The following TBC1D9 variants were observed in gnomAD, a reference collection of about 807,000 sequenced individuals.
TBC1D9 encodes TBC1 domain family member 9A.
In TBC1D9, 63 loss-of-function variants were observed where a neutral mutation model predicts 132.0. That is an observed-to-expected ratio of 0.48 (90% CI 0.39 to 0.59). The LOEUF is 0.59. Ranked by LOEUF, TBC1D9 falls within the 20% of genes least tolerant of loss-of-function variation. The pLI, the probability that TBC1D9 is intolerant of heterozygous loss-of-function variation, is 0.00. For missense variants in TBC1D9, 1,261 were observed against 1,592.7 expected (o/e 0.79, Z 3.54); for synonymous variants, 610 against 609.9 (o/e 1.00, Z 0.00).
intron 1 of TBC1D9, among the ~76,000 whole-genome samples, chr4:140,704,262 ACAATGGTGTGCACCT>A (rs1738115791): frequency 6.6e-6 from 1 of 151,980 alleles, no homozygotes; most frequent in Non-Finnish European, 1.5e-5. Flanking sequence ...TTAGCCAGGC[ACAATGGTGTGCACCT>A]GTAATCCCAG....
intron 18 of TBC1D9, among the ~76,000 whole-genome samples, chr4:140,624,780 C>T (rs1736680066): frequency 6.6e-6 from 1 of 152,080 alleles, no homozygotes; most frequent in Non-Finnish European, 1.5e-5. Context: ...GGTCAAGCAG[C>T]GTGGCTCATG....
intron 1 of TBC1D9, among the ~76,000 whole-genome samples, chr4:140,751,985 A>G (rs1738931510): frequency 6.6e-6 from 1 of 152,224 alleles, no homozygotes; most frequent in Admixed American, 6.5e-5. Flanking sequence ...TGGTGGGAGT[A>G]TATTGGTACA....
At position 140,739,980 on chromosome 4, in the gene TBC1D9, T is replaced by C. The variant is rs139053095; in HGVS notation, c.130+15936A>G. Reference sequence around the variant, plus strand: ...TCTGCTTGATCTTCACTCTAGCAAGTATCTGTCCAGCATGCCTTAGAATAA... The same window carrying C: ...TCTGCTTGATCTTCACTCTAGCAAGCATCTGTCCAGCATGCCTTAGAATAA... On this transcript the variant is annotated intron_variant, in intron 1 of 20. Coordinates refer to ENST00000442267, the MANE Select transcript of TBC1D9 (RefSeq NM_015130.3). Among the ~76,000 whole-genome samples, 21 of 152,350 alleles carry C rather than the reference T, an allele frequency of 1.4e-4. No individual in the cohort carries two copies. In the East Asian group the frequency reaches 4.0e-3, roughly 29 times the overall value.
intron 1 of TBC1D9, among the ~76,000 whole-genome samples, chr4:140,724,972 G>A (rs1261704460): frequency 1.3e-5 from 2 of 152,042 alleles, no homozygotes; most frequent in Non-Finnish European, 2.9e-5. Flanking sequence ...CGTGCAACTT[G>A]GTAAAACCCC....
chr4:140,643,801 C>CAGGCGCTGAGTGCCACCGGGCA, intron 13 of TBC1D9: 1 of 808,932 alleles, frequency 1.2e-6, no homozygotes, highest in Non-Finnish European at 2.0e-6. Flanking sequence ...CAGCCCTGCC[C>CAGGCGCTGAGTGCCACCGGGCA]GGTGGCACTC....
At chr4:140,685,199 C>T (rs967996907) in intron 3 of TBC1D9, among the ~76,000 whole-genome samples, 1 of 152,160 alleles carries the variant, frequency 6.6e-6, no homozygotes, top group African/African-American at 2.4e-5. Context: ...AGGAGTGATA[C>T]ATTTGTGTGG....
chr4:140,639,615 T>C (rs1206717860), intron 13 of TBC1D9, among the ~76,000 whole-genome samples, 187 bp from the exon 14 acceptor site: 1 of 152,204 alleles, frequency 6.6e-6, no homozygotes, highest in Non-Finnish European at 1.5e-5. Flanking sequence ...TATCTGGAAA[T>C]TCTCAGGCAG....
chr4:140,684,022 T>C (rs539055144), intron 3 of TBC1D9, among the ~76,000 whole-genome samples: 1 of 152,270 alleles, frequency 6.6e-6, no homozygotes, highest in African/African-American at 2.4e-5. Context: ...AAAAATTATA[T>C]AACAATATTG....
At chr4:140,644,511 G>C (rs1578821649) in intron 13 of TBC1D9, 2 of 289,980 alleles carry the variant, frequency 6.9e-6, no homozygotes, top group South Asian at 5.6e-5. Context: ...GGGGGCTTTC[G>C]CAGCAGCATC....
intron 1 of TBC1D9, among the ~76,000 whole-genome samples, chr4:140,705,756 GA>G (rs1400102456): frequency 6.6e-6 from 1 of 152,068 alleles, no homozygotes; most frequent in Non-Finnish European, 1.5e-5. Context: ...TCATACCTTG[GA>G]AATGGCTGTC....
chr4:140,637,039 C>G (rs567198326), intron 15 of TBC1D9, among the ~76,000 whole-genome samples: 1 of 152,130 alleles, frequency 6.6e-6, no homozygotes, highest in Non-Finnish European at 1.5e-5. Flanking sequence ...GACCAGAGAG[C>G]GCAGCAGTGC....
intron 10 of TBC1D9, among the ~76,000 whole-genome samples, chr4:140,660,325 G>C (rs1415689986): frequency 6.6e-6 from 1 of 152,082 alleles, no homozygotes; most frequent in Non-Finnish European, 1.5e-5. Context: ...TACTTTAATA[G>C]TCTTCTTAAT....
intron 1 of TBC1D9, among the ~76,000 whole-genome samples, chr4:140,738,703 C>T (rs1165710836): frequency 6.6e-6 from 1 of 152,190 alleles, no homozygotes; most frequent in East Asian, 1.9e-4. Context: ...GTTGAACATT[C>T]ATACAAACAA....
At chr4:140,668,110 G>T (rs77709840) in intron 9 of TBC1D9, among the ~76,000 whole-genome samples, 4,899 of 152,314 alleles carry the variant, frequency 0.032, 145 homozygotes, top group South Asian at 0.074. Flanking sequence ...AAGTAAAGTT[G>T]GTGAAACTAA....
chr4:140,708,382 C>T (rs1305051484), intron 1 of TBC1D9, among the ~76,000 whole-genome samples: 1 of 152,150 alleles, frequency 6.6e-6, no homozygotes, highest in Admixed American at 6.5e-5. Flanking sequence ...TAATTTGTTA[C>T]TTTTTAATCA....
chr4:140,635,164 A>AT (rs1269523111), intron 15 of TBC1D9, among the ~76,000 whole-genome samples: 1 of 152,106 alleles, frequency 6.6e-6, no homozygotes, highest in Non-Finnish European at 1.5e-5. Context: ...ATAAGCACGA[A>AT]TAAATATGGT....
chr4:140,729,913 G>T (rs533736631), intron 1 of TBC1D9, among the ~76,000 whole-genome samples: 2 of 151,580 alleles, frequency 1.3e-5, no homozygotes, highest in African/African-American at 4.8e-5. Context: ...TCCCCCAGGG[G>T]GTACCCAGCA....
In TBC1D9 at chr4:140,755,951, TG is replaced by T; in HGVS notation, c.94del (p.His32ThrfsTer84). On this transcript the variant is annotated frameshift_variant, in exon 1 of 21. Transcript: ENST00000442267. LOFTEE classifies it high-confidence loss of function. ...PYFILQRRKG[H>X]AGDGGGGGGL... ...GCCGCCGCCGCCTCCATCGCCGGCGTGGCCCTTCCTCCGCTGCAGGATGAAG... is the reference window on the plus strand; with the variant it reads ...GCCGCCGCCGCCTCCATCGCCGGCGTGCCCTTCCTCCGCTGCAGGATGAAG... 1 of 1,596,682 alleles carries T rather than the reference TG, an allele frequency of 6.3e-7. No individual in the cohort carries two copies. Among genetic ancestry groups the T allele is most frequent in the Non-Finnish European group, 8.5e-7 (1 of 1,173,052 alleles).
intron 1 of TBC1D9, among the ~76,000 whole-genome samples, chr4:140,710,587 GT>G (rs1370329262): frequency 6.6e-6 from 1 of 152,140 alleles, no homozygotes; most frequent in Non-Finnish European, 1.5e-5. Context: ...CAATTAGTAT[GT>G]GCTGCTCAAA....
Sources: gnomAD v4.1 joint callset for allele counts (sites outside exome capture counted in the v4.1 genomes callset) on GRCh38, gnomAD v4.1.1 for gene constraint, MANE v1.5 for transcripts, NCBI Gene and HGNC (gene_info 2026-07-23, HGNC 2026-07-21) for gene names.